The following ELMO1 variants were observed in gnomAD, a reference collection of about 807,000 sequenced individuals.
ELMO1 encodes the protein engulfment and cell motility 1, also known as engulfment and cell motility protein 1.
ELMO1 carries 26 observed loss-of-function variants against 98.9 expected under a neutral mutation model. The ratio of observed to expected loss-of-function variants is 0.26; its 90% CI spans 0.19 to 0.36. ELMO1 has a LOEUF of 0.36. Among genes scored for constraint, ELMO1 ranks in the 10% least tolerant of loss-of-function variants. The pLI is 1.00. For synonymous variants in ELMO1, 346 were observed against 346.0 expected, an observed-to-expected ratio of 1.00 and a Z score of 0.00; for missense variants, 627 against 935.2, an observed-to-expected ratio of 0.67 and a Z score of 4.30.
intron 4 of ELMO1, among the ~76,000 whole-genome samples, chr7:37,291,681 G>A (rs1212005300): frequency 6.6e-6 from 1 of 152,210 alleles, no homozygotes; most frequent in African/African-American, 2.4e-5. Flanking sequence ...GTGGAAGGCC[G>A]AGGTGGGTGG....
intron 13 of ELMO1, chr7:37,204,118 A>G (rs765231401): frequency 1.8e-5 from 8 of 456,364 alleles, no homozygotes; most frequent in Admixed American, 4.7e-5. Flanking sequence ...CCATTTGGCA[A>G]TAGGCATTAG....
At chr7:37,423,524 G>C (rs1804571565) in intron 1 of ELMO1, among the ~76,000 whole-genome samples, 1 of 152,232 alleles carries the variant, frequency 6.6e-6, no homozygotes. Flanking sequence ...AGGTTGCAGT[G>C]AGCTGAGATC....
chr7:36,989,590 G>A (rs947970540), intron 16 of ELMO1, among the ~76,000 whole-genome samples: 36 of 152,186 alleles, frequency 2.4e-4, no homozygotes, highest in African/African-American at 8.7e-4. Context: ...GGGACAGAGG[G>A]TCTCACTATT....
intron 15 of ELMO1, 181 bp from the exon 16 acceptor site, chr7:37,013,616 T>G (rs1250156877): frequency 7.7e-6 from 5 of 651,034 alleles, no homozygotes; most frequent in Middle Eastern, 4.4e-4. Context: ...CTCGGAAGTT[T>G]AAGGCCAGAT....
chr7:37,417,986 C>T (rs955506117), intron 1 of ELMO1, among the ~76,000 whole-genome samples: 1 of 152,182 alleles, frequency 6.6e-6, no homozygotes, highest in East Asian at 1.9e-4. Flanking sequence ...GAAAGACCCT[C>T]CCCTGGAACC....
intron 21 of ELMO1, among the ~76,000 whole-genome samples, chr7:36,861,290 C>T (rs1440154309): frequency 6.6e-6 from 1 of 152,186 alleles, no homozygotes; most frequent in African/African-American, 2.4e-5. Flanking sequence ...CCTACTTCCT[C>T]AGATGTTTTA....
intron 15 of ELMO1, among the ~76,000 whole-genome samples, chr7:37,065,080 C>T (rs1328880852): frequency 6.6e-6 from 1 of 152,048 alleles, no homozygotes; most frequent in Non-Finnish European, 1.5e-5. Flanking sequence ...CCACCATGAA[C>T]AAAAACAAAA....
intron 1 of ELMO1, among the ~76,000 whole-genome samples, chr7:37,413,721 A>G (rs1405332889): frequency 6.6e-6 from 1 of 152,134 alleles, no homozygotes; most frequent in African/African-American, 2.4e-5. Flanking sequence ...TCTGTCACTC[A>G]GGCTACAGTG....
At chr7:37,009,097 C>T (rs1793365179) in intron 16 of ELMO1, among the ~76,000 whole-genome samples, 1 of 152,092 alleles carries the variant, frequency 6.6e-6, no homozygotes, top group Non-Finnish European at 1.5e-5. Context: ...GCCACACATG[C>T]TTTAAATGAG....
intron 15 of ELMO1, among the ~76,000 whole-genome samples, chr7:37,050,878 C>G (rs1202807980): frequency 6.6e-6 from 1 of 151,248 alleles, no homozygotes; most frequent in African/African-American, 2.4e-5. Context: ...AACATTTGTT[C>G]CTAATATTTA....
At chr7:37,385,210 C>T (rs1200550761) in intron 1 of ELMO1, among the ~76,000 whole-genome samples, 2 of 152,234 alleles carry the variant, frequency 1.3e-5, no homozygotes, top group Admixed American at 6.5e-5. Flanking sequence ...TAAGTCAGGT[C>T]ATGTGGCTGC....
At chr7:37,248,848 A>G (rs753466951) in intron 6 of ELMO1, among the ~76,000 whole-genome samples, 6 of 152,276 alleles carry the variant, frequency 3.9e-5, no homozygotes, top group Non-Finnish European at 5.9e-5. Context: ...AGGCAATAGC[A>G]TAAGTTAGAG....
intron 15 of ELMO1, among the ~76,000 whole-genome samples, chr7:37,040,528 C>G (rs186646876): frequency 3.3e-5 from 5 of 152,316 alleles, no homozygotes; most frequent in Admixed American, 2.6e-4. Flanking sequence ...CATGATGTGA[C>G]ACGCAGAACT....
At chr7:37,126,930 C>G (rs1179230434) in intron 14 of ELMO1, among the ~76,000 whole-genome samples, 1 of 152,132 alleles carries the variant, frequency 6.6e-6, no homozygotes, top group Non-Finnish European at 1.5e-5. Context: ...TTTTTTCCCT[C>G]TGAAAAAGAT....
At chr7:36,934,314 A>G (rs1323800510) in intron 16 of ELMO1, among the ~76,000 whole-genome samples, 3 of 152,212 alleles carry the variant, frequency 2.0e-5, no homozygotes, top group Non-Finnish European at 2.9e-5. Flanking sequence ...CAGCCTGGGT[A>G]GTGGATCTGG....
chr7:37,325,901 C>T (rs1799773590), intron 2 of ELMO1, among the ~76,000 whole-genome samples: 1 of 152,194 alleles, frequency 6.6e-6, no homozygotes, highest in Admixed American at 6.5e-5. Context: ...CCCAGAGGCG[C>T]CTCGTGACAT....
intron 16 of ELMO1, among the ~76,000 whole-genome samples, chr7:37,011,722 C>T (rs1172791756): frequency 1.3e-5 from 2 of 152,182 alleles, no homozygotes; most frequent in Admixed American, 6.5e-5. Flanking sequence ...ATGGCTTTCA[C>T]ACAGCAGCAC....
chr7:36,969,511 C>T (rs1186676374), intron 16 of ELMO1, among the ~76,000 whole-genome samples: 2 of 152,178 alleles, frequency 1.3e-5, no homozygotes, highest in Admixed American at 1.3e-4. Context: ...AGTATGTTTA[C>T]AGCCACAATT....
chr7:37,119,852 T>C (rs1785882664), intron 14 of ELMO1, among the ~76,000 whole-genome samples: 1 of 152,196 alleles, frequency 6.6e-6, no homozygotes, highest in Admixed American at 6.5e-5. Flanking sequence ...AGTCAGCCAG[T>C]ATGCAAAGAT....
Sources: gnomAD v4.1 joint callset for allele counts (sites outside exome capture counted in the v4.1 genomes callset) on GRCh38, gnomAD v4.1.1 for gene constraint, MANE v1.5 for transcripts, NCBI Gene and HGNC (gene_info 2026-07-23, HGNC 2026-07-21) for gene names.